Variants in WDPCP observed in about 807,000 individuals in gnomAD.
The protein encoded by WDPCP is WD repeat-containing and planar cell polarity effector protein fritz homolog.
WDPCP carries 71 observed loss-of-function variants against 93.1 expected under a neutral mutation model. That is an observed-to-expected ratio of 0.76 (90% CI 0.63 to 0.93). The LOEUF is 0.93. Among genes scored for constraint, WDPCP ranks in the 40% least tolerant of loss-of-function variants. The probability of loss-of-function intolerance (pLI) is 0.00; values close to 1 mark genes in which losing one functional copy is unlikely to be tolerated. For synonymous variants in WDPCP, 315 were observed against 315.0 expected, an observed-to-expected ratio of 1.00 and a Z score of 0.00; for missense variants, 844 against 887.4, an observed-to-expected ratio of 0.95 and a Z score of 0.62.
intron 2 of WDPCP, among the ~76,000 whole-genome samples, chr2:63,692,827 G>C (rs1465341880): frequency 6.6e-6 from 1 of 152,094 alleles, no homozygotes; most frequent in Non-Finnish European, 1.5e-5. Flanking sequence ...ATCTTATAAT[G>C]ACAGTTCCAG....
intron 2 of WDPCP, among the ~76,000 whole-genome samples, chr2:63,720,731 GTTC>G (rs1327412141): frequency 6.6e-6 from 1 of 152,170 alleles, no homozygotes; most frequent in Non-Finnish European, 1.5e-5. Flanking sequence ...ATACTGTCTT[GTTC>G]TTTGGGAATT....
chr2:63,509,982 A>C (rs930811109), intron 1 of WDPCP, among the ~76,000 whole-genome samples: 10 of 152,084 alleles, frequency 6.6e-5, no homozygotes, highest in African/African-American at 2.4e-4. Flanking sequence ...ATGGATTCAC[A>C]GCCGAATTCT....
chr2:63,288,919 C>A (rs1684210042), intron 13 of WDPCP, among the ~76,000 whole-genome samples: 1 of 151,968 alleles, frequency 6.6e-6, no homozygotes, highest in African/African-American at 2.4e-5. Context: ...ATCGATACTC[C>A]CCATGACTAG....
intron 12 of WDPCP, among the ~76,000 whole-genome samples, chr2:63,354,660 G>GTA (rs1231637321): frequency 9.2e-5 from 14 of 151,928 alleles, no homozygotes; most frequent in South Asian, 2.1e-4. Context: ...ATATGTGTGT[G>GTA]TATATATATG....
At chr2:63,521,944 T>C (rs1317929617) in intron 1 of WDPCP, among the ~76,000 whole-genome samples, 2 of 151,948 alleles carry the variant, frequency 1.3e-5, no homozygotes, top group Admixed American at 6.6e-5. Context: ...TGGTAAACAG[T>C]GAAATTAAGG....
the WDPCP span, among the ~76,000 whole-genome samples, chr2:63,836,542 T>C: frequency 6.6e-6 from 1 of 152,224 alleles, no homozygotes; most frequent in African/African-American, 2.4e-5. Flanking sequence ...TTATTAGTTT[T>C]TTTATCTTTT....
Position 63,442,696 on chromosome 2 carries a change from A to T in WDPCP, c.385-2825T>A, listed in dbSNP as rs539242031. ...ATTTCACAAGGATATTATCTCCAAA[A>T]TATTTGCAAGTTCCTTCAGAACTCT... is the stretch of plus-strand genomic sequence containing the variant. On this transcript the variant is annotated intron_variant, in intron 6 of 17. Coordinates refer to ENST00000272321, the MANE Select transcript of WDPCP (RefSeq NM_015910.7). 2.6e-5 allele frequency: 4 copies of T among 152,326 alleles called. 1 individual carries two copies. In the South Asian group the frequency reaches 8.3e-4, roughly 32 times the overall value. 9.4% of individuals were successfully genotyped at this position (152,326 alleles called of 1,614,324 possible).
intron 3 of WDPCP, among the ~76,000 whole-genome samples, chr2:63,611,459 T>C (rs1245585194): frequency 6.6e-6 from 1 of 152,182 alleles, no homozygotes; most frequent in Non-Finnish European, 1.5e-5. Context: ...TAACAATACC[T>C]TGATTAAACC....
At chr2:63,296,279 T>C (rs1411781764) in intron 13 of WDPCP, among the ~76,000 whole-genome samples, 1 of 150,346 alleles carries the variant, frequency 6.7e-6, no homozygotes, top group Non-Finnish European at 1.5e-5. Context: ...AAACTATGCA[T>C]TGAGGGAACA....
At chr2:63,775,479 G>A (rs1670289093) in intron 2 of WDPCP, among the ~76,000 whole-genome samples, 1 of 152,158 alleles carries the variant, frequency 6.6e-6, no homozygotes, top group Admixed American at 6.5e-5. Context: ...TGTCTCCTAA[G>A]CAGTTGGCTT....
At chr2:63,571,030 G>A (rs1408476983) in intron 1 of WDPCP, among the ~76,000 whole-genome samples, 4 of 151,624 alleles carry the variant, frequency 2.6e-5, no homozygotes, top group African/African-American at 4.8e-5. Context: ...TCAGCCTCCT[G>A]AACAGCTGGG....
chr2:63,290,492 C>G lies in WDPCP; in HGVS notation c.1812+22756G>C, dbSNP rs954036932. 5.0e-3 allele frequency among the ~76,000 whole-genome samples: 737 copies of G among 148,868 alleles called. 3 individuals are homozygous for G. Among genetic ancestry groups the G allele is most frequent in the Non-Finnish European group, 6.5e-3 (437 of 67,154 alleles). ...ATGAGGAAAGACTTAATATTAGTCA[C>G]ATGCTTATGATTTTTAGGACTCTTC... On this transcript the variant is annotated intron_variant, in intron 13 of 17. Coordinates refer to ENST00000272321, the MANE Select transcript of WDPCP (RefSeq NM_015910.7).
At chr2:63,652,028 C>T (rs1710114969) in intron 2 of WDPCP, among the ~76,000 whole-genome samples, 1 of 152,136 alleles carries the variant, frequency 6.6e-6, no homozygotes, top group Non-Finnish European at 1.5e-5. Context: ...TAATTTAAAC[C>T]CACAGTCTGG....
At chr2:63,702,612 C>G (rs975164605) in intron 2 of WDPCP, among the ~76,000 whole-genome samples, 2 of 151,180 alleles carry the variant, frequency 1.3e-5, no homozygotes, top group African/African-American at 4.9e-5. Flanking sequence ...GATTTCGGCT[C>G]ACTGCAAGCT....
chr2:63,153,028 G>A (rs1671988445), intron 16 of WDPCP, 83 bp from the exon 17 acceptor site: 1 of 1,115,212 alleles, frequency 9.0e-7, no homozygotes, highest in Non-Finnish European at 1.3e-6. Context: ...ACTAAAAACA[G>A]AAATGCTTAA....
intron 13 of WDPCP, among the ~76,000 whole-genome samples, chr2:63,262,308 T>G (rs1681699749): frequency 6.6e-6 from 1 of 152,056 alleles, no homozygotes; most frequent in East Asian, 1.9e-4. Flanking sequence ...AATGAACATC[T>G]GATTAAAATA....
chr2:63,407,962 A>G (rs534284880), intron 9 of WDPCP, among the ~76,000 whole-genome samples: 5 of 152,314 alleles, frequency 3.3e-5, no homozygotes, highest in African/African-American at 1.2e-4. Flanking sequence ...CTTGGACTTG[A>G]ACAAGTTACG....
intron 14 of WDPCP, among the ~76,000 whole-genome samples, chr2:63,213,087 A>G (rs925101161): frequency 2.6e-5 from 4 of 152,190 alleles, no homozygotes; most frequent in African/African-American, 9.7e-5. Context: ...TAACAAAATT[A>G]TCCAGGAATT....
At chr2:63,741,915 G>C (rs1669719532) in intron 2 of WDPCP, among the ~76,000 whole-genome samples, 1 of 152,080 alleles carries the variant, frequency 6.6e-6, no homozygotes, top group African/African-American at 2.4e-5. Context: ...TCATACAACA[G>C]CTGGTGGTTA....
Sources: gnomAD v4.1 joint callset for allele counts (sites outside exome capture counted in the v4.1 genomes callset) on GRCh38, gnomAD v4.1.1 for gene constraint, MANE v1.5 for transcripts, NCBI Gene and HGNC (gene_info 2026-07-23, HGNC 2026-07-21) for gene names.